The following FOXP2 variants were observed in gnomAD, a reference collection of about 807,000 sequenced individuals.
FOXP2 encodes forkhead box P2.
FOXP2 carries 12 observed loss-of-function variants against 115.8 expected under a neutral mutation model. The observed-to-expected ratio is 0.10, with a 90% CI of 0.07 to 0.17. The LOEUF (loss-of-function observed/expected upper bound fraction) is 0.17. FOXP2 is among the 10% of genes least tolerant of loss of function. FOXP2 has a pLI of 1.00. For missense variants in FOXP2, 629 were observed against 843.5 expected, an observed-to-expected ratio of 0.75 and a Z score of 3.15; for synonymous variants, 328 against 297.7, an observed-to-expected ratio of 1.10 and a Z score of -1.05.
intron 3 of FOXP2, among the ~76,000 whole-genome samples, chr7:114,584,437 C>G (rs1405167588): frequency 6.6e-6 from 1 of 152,154 alleles, no homozygotes; most frequent in Non-Finnish European, 1.5e-5. Context: ...AAAAACTTGA[C>G]AATTTTTTAA....
intron 5 of FOXP2, chr7:114,631,107 T>C: frequency 9.6e-6 from 2 of 209,024 alleles, no homozygotes. Context: ...AGTTTACTAA[T>C]AGATCACCAG....
At chr7:114,563,383 C>A (rs1191775622) in intron 3 of FOXP2, among the ~76,000 whole-genome samples, 1 of 152,144 alleles carries the variant, frequency 6.6e-6, no homozygotes, top group Non-Finnish European at 1.5e-5. Context: ...GTTTTGTTGT[C>A]TTTTCCCCAT....
chr7:114,682,759 T>G (rs1238485227), intron 16 of FOXP2, among the ~76,000 whole-genome samples: 1 of 152,134 alleles, frequency 6.6e-6, no homozygotes, highest in African/African-American at 2.4e-5. Flanking sequence ...TTCCATTTCT[T>G]TTGAGTTGGC....
intron 3 of FOXP2, among the ~76,000 whole-genome samples, chr7:114,581,949 C>A (rs899149937): frequency 6.6e-6 from 1 of 152,056 alleles, no homozygotes; most frequent in Non-Finnish European, 1.5e-5. Flanking sequence ...TTTGAATGGT[C>A]ACCAAGAAAG....
At chr7:114,497,402 C>T (rs1051325222) in intron 2 of FOXP2, among the ~76,000 whole-genome samples, 7 of 152,168 alleles carry the variant, frequency 4.6e-5, no homozygotes, top group Non-Finnish European at 7.3e-5. Flanking sequence ...AATCTGAGCA[C>T]TTTGAGAGGC....
At chr7:114,494,812 T>A (rs1414490440) in intron 2 of FOXP2, among the ~76,000 whole-genome samples, 1 of 152,140 alleles carries the variant, frequency 6.6e-6, no homozygotes, top group African/African-American at 2.4e-5. Flanking sequence ...TTTGATGACA[T>A]GTTGCTATAT....
chr7:114,292,211 G>C (rs908331485), intron 2 of FOXP2, among the ~76,000 whole-genome samples: 5 of 151,366 alleles, frequency 3.3e-5, no homozygotes, highest in Non-Finnish European at 5.9e-5. Flanking sequence ...ATGAACTTGG[G>C]GGCCACTCTA....
At chr7:114,445,887 T>C (rs1023752065) in intron 2 of FOXP2, among the ~76,000 whole-genome samples, 11 of 152,140 alleles carry the variant, frequency 7.2e-5, no homozygotes, top group African/African-American at 1.9e-4. Context: ...TAAAGAAGGC[T>C]TCTCATTCTA....
chr7:114,263,519 T>A (rs544424119), intron 1 of FOXP2, among the ~76,000 whole-genome samples: 1 of 151,496 alleles, frequency 6.6e-6, no homozygotes, highest in Non-Finnish European at 1.5e-5. Context: ...AGTGCTGTGA[T>A]CATAGCTCAC....
chr7:114,371,271 C>T (rs1419550501), intron 2 of FOXP2, among the ~76,000 whole-genome samples: 4 of 137,698 alleles, frequency 2.9e-5, no homozygotes, highest in Admixed American at 7.7e-5. Flanking sequence ...TTTGTAGTAG[C>T]AATAAGGTTT....
At chr7:114,399,849 CTTT>C (rs1431053557) in intron 2 of FOXP2, among the ~76,000 whole-genome samples, 1 of 131,462 alleles carries the variant, frequency 7.6e-6, no homozygotes, top group African/African-American at 2.8e-5. Flanking sequence ...TCATCATTTT[CTTT>C]TTTTTTTTTT....
Position 114,207,831 on chromosome 7 carries a change from T to C in FOXP2, c.-102+44743T>C, listed in dbSNP as rs1383905963. The stretch of plus-strand genomic sequence containing the variant: ...TTAGTGGCTTGAGGCATATTACTTA[T>C]TTTGACTCAAGCTTTATTTGAATGC... On this transcript the variant is annotated intron_variant, in intron 1 of 17. Coordinates refer to the FOXP2 transcript ENST00000634411. Among the ~76,000 whole-genome samples, 6 of 152,364 alleles carry C rather than the reference T, an allele frequency of 3.9e-5. 1 individual carries two copies. The highest frequency in any genetic ancestry group is 3.9e-4 in the Admixed American group (6 of 15,308).
At chr7:114,087,189 C>G (rs748443951), upstream of FOXP2, among the ~76,000 whole-genome samples, 1 of 152,140 alleles carries the variant, frequency 6.6e-6, no homozygotes, top group African/African-American at 2.4e-5. Context: ...CTAAGTTGGG[C>G]ACTTCAGCGT....
chr7:114,176,293 T>TC (rs759553950), intron 1 of FOXP2, among the ~76,000 whole-genome samples: 13 of 40,724 alleles, frequency 3.2e-4, no homozygotes, highest in Admixed American at 5.8e-4. Context: ...TCTTTCTTTC[T>TC]TTCTTTCTCT....
At position 114,183,867 on chromosome 7, in the gene FOXP2, G is replaced by T. The variant is rs141097302; in HGVS notation, c.-102+20779G>T. Reference sequence around the variant, plus strand: ...TCTAGTCTTGAATTCACAAGAATTTGGGATAAAGTGTTTTGTTGGGTCCAG... The same window carrying T: ...TCTAGTCTTGAATTCACAAGAATTTTGGATAAAGTGTTTTGTTGGGTCCAG... On this transcript the variant is annotated intron_variant, in intron 1 of 17. Transcript: ENST00000634411. 2.8e-3 allele frequency among the ~76,000 whole-genome samples: 433 copies of T among 152,176 alleles called. 2 individuals are homozygous for T. The highest frequency in any genetic ancestry group is 1.0e-2 in the African/African-American group (414 of 41,540).
At chr7:114,392,757 T>C (rs1487273633) in intron 2 of FOXP2, among the ~76,000 whole-genome samples, 1 of 152,182 alleles carries the variant, frequency 6.6e-6, no homozygotes, top group African/African-American at 2.4e-5. Flanking sequence ...AGACTGAATT[T>C]GTATCCTAGT....
chr7:114,644,940 A>G (rs1805794191), intron 8 of FOXP2, 151 bp downstream of exon 8: 2 of 614,280 alleles, frequency 3.3e-6, no homozygotes, highest in South Asian at 1.9e-5. Flanking sequence ...CAAGTGGATT[A>G]GTAAGATCAG....
intron 2 of FOXP2, among the ~76,000 whole-genome samples, chr7:114,438,294 C>G (rs1445455818): frequency 6.6e-6 from 1 of 151,982 alleles, no homozygotes; most frequent in African/African-American, 2.4e-5. Flanking sequence ...GAAATAGACC[C>G]CAATTCAAGT....
At position 114,415,335 on chromosome 7, in the gene FOXP2, A is replaced by G. The variant is rs757491616; in HGVS notation, c.-36A>G. 2 of 452,334 alleles carry G rather than the reference A, an allele frequency of 4.4e-6. No individual in the cohort carries two copies. Among genetic ancestry groups the G allele is most frequent in the East Asian group, 1.4e-4 (2 of 14,352 alleles). The allele number at this position is 452,334 out of a possible 1,614,324, so 28.0% of individuals were successfully genotyped here. On this transcript the variant is annotated 5_prime_UTR_variant, in exon 1 of 17. Coordinates refer to ENST00000350908, the MANE Select transcript of FOXP2 (RefSeq NM_014491.4). ...AACTCCTATGAAGTTGAAACCGGGA[A>G]GTTTGCTCTAACATTTCCAGAGAAG... is the stretch of plus-strand genomic sequence containing the variant.
Sources: gnomAD v4.1 joint callset for allele counts (sites outside exome capture counted in the v4.1 genomes callset) on GRCh38, gnomAD v4.1.1 for gene constraint, MANE v1.5 for transcripts, NCBI Gene and HGNC (gene_info 2026-07-23, HGNC 2026-07-21) for gene names.